NLRP5: variants seen among roughly 807,000 people sequenced by gnomAD.
The protein encoded by NLRP5 is NACHT, LRR and PYD domains-containing protein 5.
Under a neutral mutation model 113.1 loss-of-function variants are expected in NLRP5, and 93 were observed. The ratio of observed to expected loss-of-function variants is 0.82; its 90% confidence interval spans 0.70 to 0.98. The LOEUF is 0.98. Ranked by LOEUF, NLRP5 falls within the 50% of genes least tolerant of loss-of-function variation. The pLI, the probability that NLRP5 is intolerant of heterozygous loss-of-function variation, is 0.00. For missense variants in NLRP5, 1,808 were observed against 1,514.3 expected, an observed-to-expected ratio of 1.19 and a Z score of -3.22; for synonymous variants, 751 against 600.7, an observed-to-expected ratio of 1.25 and a Z score of -3.66.
chr19:56,037,990 G>A (rs779379496), intron 9 of NLRP5, 35 bp from the exon 10 acceptor site: 1 of 1,611,660 alleles, frequency 6.2e-7, no homozygotes, highest in Admixed American at 1.7e-5. Context: ...CTTTGGACAA[G>A]AGCTGGGATT....
chr19:56,037,465 C>G (rs539613178), intron 9 of NLRP5, among the ~76,000 whole-genome samples: 1 of 151,956 alleles, frequency 6.6e-6, no homozygotes, highest in South Asian at 2.1e-4. Context: ...GAGGCCAAGG[C>G]GGGTGGAGCA....
At chr19:56,057,100 C>T (rs138854141) in intron 13 of NLRP5, among the ~76,000 whole-genome samples, 87 of 152,332 alleles carry the variant, frequency 5.7e-4, no homozygotes, top group African/African-American at 1.9e-3. Context: ...CGTGCCACCA[C>T]ACCCCAGCCT....
chr19:56,056,723 T>C (rs2123344371), intron 13 of NLRP5, among the ~76,000 whole-genome samples: 1 of 152,368 alleles, frequency 6.6e-6, no homozygotes. Flanking sequence ...ATGTTTTGTC[T>C]TTATAAATGC....
At chr19:56,024,402 G>GTTATATATT (rs1295440325) in intron 6 of NLRP5, among the ~76,000 whole-genome samples, 6 of 126,116 alleles carry the variant, frequency 4.8e-5, no homozygotes, top group African/African-American at 1.8e-4. Context: ...ATACATATAT[G>GTTATATATT]TACATATATG....
chr19:56,030,926 C>A (rs899773358), intron 7 of NLRP5, among the ~76,000 whole-genome samples: 3 of 151,796 alleles, frequency 2.0e-5, no homozygotes, highest in Admixed American at 6.6e-5. Flanking sequence ...ATTGGCCAGG[C>A]TGGTCTTGAA....
intron 1 of NLRP5, among the ~76,000 whole-genome samples, chr19:56,002,088 T>C (rs1366610702): frequency 6.6e-6 from 1 of 152,186 alleles, no homozygotes; most frequent in Non-Finnish European, 1.5e-5. Context: ...AGGTAATTGA[T>C]AGCAGAGGTC....
At chr19:56,005,398 CACATAT>C (rs1981849390) in intron 2 of NLRP5, among the ~76,000 whole-genome samples, 1 of 148,346 alleles carries the variant, frequency 6.7e-6, no homozygotes, top group South Asian at 2.1e-4. Context: ...CATATACACA[CACATAT>C]ACACATATAT....
intron 12 of NLRP5, among the ~76,000 whole-genome samples, chr19:56,051,267 A>T (rs1238775539): frequency 6.6e-6 from 1 of 152,090 alleles, no homozygotes; most frequent in Non-Finnish European, 1.5e-5. Flanking sequence ...ATCTCTGCTC[A>T]CTGCAACCTC....
chr19:56,033,734 C>T (rs2123314207), intron 9 of NLRP5, 25 bp downstream of exon 9: 1 of 1,566,068 alleles, frequency 6.4e-7, no homozygotes, highest in Middle Eastern at 1.7e-4. Flanking sequence ...GAGCTTTTGC[C>T]TTGTTTTTCT....
intron 1 of NLRP5, among the ~76,000 whole-genome samples, chr19:56,001,191 G>C (rs1981632449): frequency 6.8e-6 from 1 of 147,516 alleles, no homozygotes; most frequent in Non-Finnish European, 1.5e-5. Context: ...CTGGTGCAGT[G>C]ATGCAAGCCT....
At chr19:56,055,535 GTCTT>G (rs1984103060) in intron 13 of NLRP5, among the ~76,000 whole-genome samples, 1 of 55,738 alleles carries the variant, frequency 1.8e-5, no homozygotes, top group African/African-American at 6.3e-5. Context: ...TTCTTTCTCT[GTCTT>G]TTTTTTTTTT....
the NLRP5 span, among the ~76,000 whole-genome samples, chr19:55,989,193 T>C: frequency 2.5e-3 from 377 of 152,350 alleles, 1 homozygote; most frequent in South Asian, 5.8e-3. Context: ...GAAATTCATT[T>C]ATGTCTACTT....
the NLRP5 span, among the ~76,000 whole-genome samples, chr19:55,992,035 C>T: frequency 1.3e-5 from 2 of 152,120 alleles, no homozygotes; most frequent in African/African-American, 4.8e-5. Context: ...CCTCCACCCT[C>T]AGGTAGACCC....
intron 11 of NLRP5, among the ~76,000 whole-genome samples, chr19:56,046,833 C>T (rs116462032): frequency 0.018 from 2,688 of 152,322 alleles, 73 homozygotes; most frequent in African/African-American, 0.06. Flanking sequence ...CGCCCAGCCA[C>T]CACTTCTTCT....
intron 9 of NLRP5, 74 bp from the exon 10 acceptor site, chr19:56,037,951 C>A: frequency 6.7e-7 from 1 of 1,486,278 alleles, no homozygotes; most frequent in Non-Finnish European, 9.3e-7. Flanking sequence ...GCGCTGCTGG[C>A]GTGTGCTGAG....
chr19:56,010,801 T>C (rs2123280734), intron 3 of NLRP5, among the ~76,000 whole-genome samples: 1 of 137,624 alleles, frequency 7.3e-6, no homozygotes, highest in South Asian at 2.4e-4. Context: ...TTTTTTTTTA[T>C]CAAGCTATAG....
chr19:56,042,631 C>T (rs1983564069), intron 11 of NLRP5, among the ~76,000 whole-genome samples: 1 of 152,164 alleles, frequency 6.6e-6, no homozygotes, highest in South Asian at 2.1e-4. Context: ...GCATGAGCCA[C>T]CATGCCCAGC....
chr19:56,047,355 C>T (rs374198599), intron 11 of NLRP5, among the ~76,000 whole-genome samples: 1 of 152,092 alleles, frequency 6.6e-6, no homozygotes, highest in South Asian at 2.1e-4. Context: ...CTCTTTCAGC[C>T]TTTTTGATGT....
intron 11 of NLRP5, among the ~76,000 whole-genome samples, chr19:56,044,202 T>G (rs536368442): frequency 2.0e-5 from 3 of 152,164 alleles, no homozygotes; most frequent in African/African-American, 7.2e-5. Flanking sequence ...TAGCTGAGAT[T>G]ACAGGCACCC....
Sources: allele counts gnomAD v4.1 joint callset (sites outside exome capture counted in the v4.1 genomes callset), GRCh38; gene constraint gnomAD v4.1.1; transcripts MANE v1.5; gene names NCBI Gene and HGNC (gene_info 2026-07-23, HGNC 2026-07-21).